Variants in NLRP1 observed in about 807,000 individuals in gnomAD.
The protein encoded by NLRP1 is NLR family pyrin domain containing 1.
A neutral mutation model predicts 136.7 loss-of-function variants in NLRP1; 94 were observed. The observed-to-expected ratio is 0.69, with a 90% CI of 0.58 to 0.82. The LOEUF (loss-of-function observed/expected upper bound fraction) is 0.82, where lower values mean the gene tolerates loss of function less well. Ranked by LOEUF, NLRP1 falls within the 40% of genes least tolerant of loss-of-function variation. The pLI is 0.00. For missense variants in NLRP1, 1,575 were observed against 1,802.7 expected (o/e 0.87, Z 2.29); for synonymous variants, 690 against 725.1 (o/e 0.95, Z 0.78).
In NLRP1 at chr17:5,582,715, T is replaced by C; in HGVS notation, c.403A>G (p.Arg135Gly). ...GTGTCAGGCAGCTGTCTCAAAACCC[T>C]TCTCTCTGAGCCCTGGGTGCACCCC... ...PAGCTQGSER[R>G]VLRQLPDTSG... The change falls in exon 2 of 17, where the codon AGG becomes GGG. Residue 135 changes from arginine (R) to glycine (G), a missense_variant. Physicochemically the swap from Arg to Gly is moderately radical, Grantham distance 125. Coordinates refer to ENST00000572272, the MANE Select transcript of NLRP1 (RefSeq NM_033004.4). The C allele has an allele frequency of 6.2e-7, 1 of 1,614,084 alleles. No homozygotes were observed. The highest frequency in any genetic ancestry group is 8.5e-7 in the Non-Finnish European group (1 of 1,179,980).
chr17:5,511,077 G>T (rs2151729469), downstream of NLRP1, among the ~76,000 whole-genome samples: 1 of 152,206 alleles, frequency 6.6e-6, no homozygotes, highest in East Asian at 1.9e-4. Flanking sequence ...GGGTGGTAGA[G>T]CCAAGAATTT....
intron 14 of NLRP1, among the ~76,000 whole-genome samples, chr17:5,520,060 T>C (rs1908703883): frequency 6.6e-6 from 1 of 151,796 alleles, no homozygotes; most frequent in African/African-American, 2.4e-5. Context: ...TTTCACCATG[T>C]TGGCCAGGCT....
At chr17:5,533,079 C>G in intron 10 of NLRP1, 95 bp from the exon 11 acceptor site, 1 of 1,455,530 alleles carries the variant, frequency 6.9e-7, no homozygotes, top group Non-Finnish European at 9.2e-7. Context: ...CCAAGGCTGG[C>G]CTGCCTGGAC....
chr17:5,539,631 C>T (rs72827628), intron 6 of NLRP1, 46 bp from the exon 7 acceptor site: 16,926 of 1,511,286 alleles, frequency 0.011, 117 homozygotes, highest in Middle Eastern at 0.014. Flanking sequence ...CCTAAGGGCT[C>T]GCTCTTCAGG....
chr17:5,561,876 A>G (rs4564631), intron 3 of NLRP1, among the ~76,000 whole-genome samples: 10,050 of 152,186 alleles, frequency 0.066, 425 homozygotes, highest in African/African-American at 0.11. Flanking sequence ...GTCTGCTAGC[A>G]GTCTGCTTCT....
chr17:5,505,982 AG>A (rs375541444), intron 15 of NLRP1: 4 of 152,348 alleles, frequency 2.6e-5, no homozygotes, highest in African/African-American at 9.6e-5. Context: ...CCGCTCCTAT[AG>A]AACAAAAATC....
At chr17:5,515,440 C>T (rs200519443) in intron 16 of NLRP1, 33 bp downstream of exon 16, 35 of 1,584,800 alleles carry the variant, frequency 2.2e-5, no homozygotes, top group East Asian at 4.5e-5. Context: ...GAACTGCCAC[C>T]GCCTCCTGTG....
rs748851846 is a variant in NLRP1 at position 5,532,718 on chromosome 17, G to C, written c.3296+104C>G. The C allele has an allele frequency of 2.1e-4, 204 of 979,914 alleles. 1 individual carries two copies. The highest frequency in any genetic ancestry group is 2.7e-4 in the Non-Finnish European group (186 of 683,288). The allele number at this position is 979,914 out of a possible 1,614,324, so 60.7% of individuals were successfully genotyped here. On this transcript the variant is annotated intron_variant, in intron 11 of 16. Coordinates refer to ENST00000572272, the MANE Select transcript of NLRP1 (RefSeq NM_033004.4). ...GCAAGAGGAGGGGACCCAGTGGTGA[G>C]TGTGAGTTGGGGGTAGGGGGTGGCG...
intron 12 of NLRP1, among the ~76,000 whole-genome samples, chr17:5,526,888 T>A (rs1396267382): frequency 6.6e-6 from 1 of 152,220 alleles, no homozygotes; most frequent in African/African-American, 2.4e-5. Flanking sequence ...CTAGCTATAG[T>A]GGGAGAAAAC....
In NLRP1 at chr17:5,517,358, C is replaced by CA. The variant is rs1567630305; in HGVS notation, c.4057+387_4057+388insT. 2.9e-4 allele frequency among the ~76,000 whole-genome samples: 27 copies of CA among 91,542 alleles called. 1 individual carries two copies. The highest frequency in any genetic ancestry group is 1.2e-3 in the East Asian group (5 of 4,264). The allele number at this position is 91,542 out of a possible 152,430, so 60.1% of individuals were successfully genotyped here. ...GTGATAGTGCACTCTGCACCCCCCC[C>CA]CCTCCCACATACACAGACTTTCTTC... On this transcript the variant is annotated intron_variant, in intron 15 of 16. Coordinates refer to ENST00000572272, the MANE Select transcript of NLRP1 (RefSeq NM_033004.4).
At chr17:5,543,066 G>A (rs1912088837) in intron 5 of NLRP1, among the ~76,000 whole-genome samples, 1 of 152,186 alleles carries the variant, frequency 6.6e-6, no homozygotes, top group African/African-American at 2.4e-5. Context: ...CTGACCTCAG[G>A]TGATCCACCC....
At chr17:5,507,120 T>C (rs1423685510) in intron 15 of NLRP1, among the ~76,000 whole-genome samples, 2 of 152,062 alleles carry the variant, frequency 1.3e-5, no homozygotes, top group African/African-American at 4.8e-5. Flanking sequence ...TATTATTTAA[T>C]GGGTACATAA....
At chr17:5,544,500 A>T (rs962623092) in intron 5 of NLRP1, among the ~76,000 whole-genome samples, 3 of 152,204 alleles carry the variant, frequency 2.0e-5, no homozygotes, top group African/African-American at 7.2e-5. Context: ...GACTTGTGGG[A>T]GAGGCACCCT....
chr17:5,573,184 TCAGAGG>T (rs1904614278), intron 3 of NLRP1, among the ~76,000 whole-genome samples: 1 of 152,186 alleles, frequency 6.6e-6, no homozygotes. Flanking sequence ...CGTGCCTGGC[TCAGAGG>T]GTCCTGTACC....
chr17:5,517,800 G>A lies in NLRP1; in HGVS notation c.4003C>T (p.Gln1335Ter). 1 of 1,614,158 alleles carries A rather than the reference G, an allele frequency of 6.2e-7. No individual in the cohort carries two copies. Among genetic ancestry groups the A allele is most frequent in the Non-Finnish European group, 8.5e-7 (1 of 1,180,036 alleles). ...GTCTCATCTTTCTTGTCTTTCACTT[G>A]CAGCCTGATCCCTGATCCCAAGTGG... is the stretch of plus-strand genomic sequence containing the variant. Reference protein sequence around the residue: ...VGHLGSGIRLQVKDKKDETLV... With the variant: ...VGHLGSGIRL Residue 1335 changes from glutamine (Q) to a stop codon, truncating the protein, a stop_gained, in exon 15 of 17, where the codon CAA becomes TAA. Coordinates refer to ENST00000572272, the MANE Select transcript of NLRP1 (RefSeq NM_033004.4). LOFTEE classifies it high-confidence loss of function.
At chr17:5,551,348 T>C (rs923815236) in intron 5 of NLRP1, among the ~76,000 whole-genome samples, 2 of 152,260 alleles carry the variant, frequency 1.3e-5, no homozygotes, top group Non-Finnish European at 2.9e-5. Flanking sequence ...CATATCTTTG[T>C]GTAGCTTGAT....
In NLRP1 at chr17:5,504,689, A is replaced by G. The variant is rs904565656; in HGVS notation, c.4070-2817T>C. ...ACTGACTGCTGGGGTTCTAACCCAC[A>G]TCTCTCTGACCCAAGGGTAAGAGGT... On this transcript the variant is annotated intron_variant, in intron 15 of 15. Coordinates refer to the NLRP1 transcript ENST00000262467. The surrounding 1 kb of genome is among the most constrained non-coding windows in gnomAD (Gnocchi z 4.4). The G allele has an allele frequency of 3.9e-5, 6 of 152,158 alleles. No homozygotes were observed. The highest frequency in any genetic ancestry group is 1.5e-4 in the African/African-American group (6 of 41,368). 9.4% of individuals were successfully genotyped at this position (152,158 alleles called of 1,614,324 possible). A position where few individuals can be genotyped will look rare whatever the true frequency, so the allele number is the denominator to read the frequency against.
chr17:5,532,690 T>TGACGC, intron 11 of NLRP1, 132 bp downstream of exon 11: 1 of 669,930 alleles, frequency 1.5e-6, no homozygotes. Context: ...GCCTGTTGTC[T>TGACGC]TGGCAAGAGG....
chr17:5,531,001 C>T (rs1162080916), intron 11 of NLRP1, among the ~76,000 whole-genome samples: 1 of 152,158 alleles, frequency 6.6e-6, no homozygotes. Flanking sequence ...TAGTACACGC[C>T]TGGGAGCTGT....
Sources: allele counts gnomAD v4.1 joint callset (sites outside exome capture counted in the v4.1 genomes callset), GRCh38; gene constraint gnomAD v4.1.1; non-coding constraint Gnocchi (gnomAD v3.1); transcripts MANE v1.5; gene names NCBI Gene and HGNC (gene_info 2026-07-23, HGNC 2026-07-21).